PNMA6E: variants seen among roughly 807,000 people sequenced by gnomAD.
PNMA6E encodes the protein paraneoplastic antigen Ma6E.
For missense variants in PNMA6E, 78 were observed against 50.8 expected (o/e 1.53, Z -1.63); for synonymous variants, 43 against 17.1 (o/e 2.52, Z -3.74).
the PNMA6E span, among the ~76,000 whole-genome samples, chrX:153,412,406 G>A: frequency 2.7e-5 from 3 of 112,588 alleles, no homozygotes; most frequent in Non-Finnish European, 5.6e-5. Flanking sequence ...GGGACACGGC[G>A]GTAGTAAGCC....
At chrX:153,410,728 C>A in the PNMA6E span, among the ~76,000 whole-genome samples, 2 of 113,059 alleles carry the variant, frequency 1.8e-5, no homozygotes, top group African/African-American at 3.2e-5. Flanking sequence ...CAAGGAGGCT[C>A]CCGCCTCGTG....
chrX:153,402,933 C>T (rs1046256757), upstream of PNMA6E, among the ~76,000 whole-genome samples: 19 of 112,733 alleles, frequency 1.7e-4, no homozygotes, highest in African/African-American at 5.8e-4. Flanking sequence ...TCTTCTTCTT[C>T]GAGTTGCATT....
chrX:153,410,596 G>A, the PNMA6E span, among the ~76,000 whole-genome samples: 129 of 112,734 alleles, frequency 1.1e-3, no homozygotes, highest in Non-Finnish European at 1.3e-3. Context: ...CTATGCCCCA[G>A]ATGGACGGCT....
rs12688787 is a variant in PNMA6E, at chrX:153,398,841, C to T, written c.9G>A (p.Leu3=). 1.7e-5 allele frequency: 5 copies of T among 298,669 alleles called. No homozygotes were observed. In the East Asian group the frequency reaches 1.9e-4, roughly 11 times the overall value. The allele number at this position is 298,669 out of a possible 1,213,427, so 24.6% of individuals were successfully genotyped here. The change falls in exon 2 of 2, where the codon CTG becomes CTA. Residue 3 remains leucine, a synonymous_variant. Coordinates refer to ENST00000445091, the MANE Select transcript of PNMA6E (RefSeq NM_001367770.1). ...ACCTGCACCAGTCCCGAAGCATCGC[C>T]AGAGCCATCGCAGAGGACTTGAGGG... MA[L]AMLRDWCRWM...
the PNMA6E span, among the ~76,000 whole-genome samples, chrX:153,406,934 A>T: frequency 8.9e-6 from 1 of 111,963 alleles, no homozygotes; most frequent in African/African-American, 3.2e-5. Context: ...GAATGATGGG[A>T]GGTGGAGGGT....
chrX:153,402,184 A>T (rs1277683544), upstream of PNMA6E, among the ~76,000 whole-genome samples: 1 of 111,715 alleles, frequency 9.0e-6, no homozygotes, highest in African/African-American at 3.3e-5. Flanking sequence ...AATTGTGAAG[A>T]TGCCGATTTC....
the PNMA6E span, among the ~76,000 whole-genome samples, chrX:153,409,037 C>T: frequency 0.014 from 1,627 of 113,100 alleles, 37 homozygotes; most frequent in African/African-American, 0.049. Flanking sequence ...AGACCGGCTG[C>T]CAACCTGCCC....
chrX:153,405,205 T>C (rs1319557664), upstream of PNMA6E, among the ~76,000 whole-genome samples: 2 of 112,376 alleles, frequency 1.8e-5, no homozygotes, highest in East Asian at 5.6e-4. Context: ...TGTTATGTAG[T>C]GATAGATAAC....
In PNMA6E at chrX:153,398,363, C is replaced by G. The variant is rs1222961145; in HGVS notation, c.487G>C (p.Ala163Pro). Reference protein sequence around the residue: ...EAGAAGEAGGAGEAGGVGEAG... With the variant: ...EAGAAGEAGGPGEAGGVGEAG... ...TCACCTACACCTCCTGCCTCACCTGCGCCTCCTGCCTCACCTGCTGCTCCT... is the reference window on the plus strand; with the variant it reads ...TCACCTACACCTCCTGCCTCACCTGGGCCTCCTGCCTCACCTGCTGCTCCT... The change falls in exon 2 of 2, where the codon GCA becomes CCA. Residue 163 changes from alanine to proline, a missense_variant. Coordinates refer to ENST00000445091, the MANE Select transcript of PNMA6E (RefSeq NM_001367770.1). 1 of 405,842 alleles carries G rather than the reference C, an allele frequency of 2.5e-6. No homozygotes were observed. The highest frequency in any genetic ancestry group is 4.2e-6 in the Non-Finnish European group (1 of 238,879). 33.4% of individuals were successfully genotyped at this position (405,842 alleles called of 1,213,427 possible). A position where few individuals can be genotyped will look rare whatever the true frequency, so the allele number is the denominator to read the frequency against.
At chrX:153,401,869 T>C (rs1190225044), upstream of PNMA6E, among the ~76,000 whole-genome samples, 1 of 99,223 alleles carries the variant, frequency 1.0e-5, no homozygotes, top group Non-Finnish European at 2.0e-5. Flanking sequence ...CTCGCTCTGT[T>C]GCCAGGCTGC....
the PNMA6E span, among the ~76,000 whole-genome samples, chrX:153,409,649 G>A: frequency 2.7e-5 from 3 of 112,767 alleles, no homozygotes; most frequent in African/African-American, 9.6e-5. Flanking sequence ...CCACACACGC[G>A]GTGCCAACAA....
Position 153,396,700 on chromosome X carries a change from G to C in PNMA6E, c.*206C>G, listed in dbSNP as rs781955060. On this transcript the variant is annotated 3_prime_UTR_variant, in exon 2 of 2. Transcript: ENST00000445091. ...GGGTGTGCTGGGTGCAAGGGAGCGGGGGGGCGCCTCTCCCCACCCCATTTT... is the reference window on the plus strand; with the variant it reads ...GGGTGTGCTGGGTGCAAGGGAGCGGCGGGGCGCCTCTCCCCACCCCATTTT... 1 of 271,374 alleles carries C rather than the reference G, an allele frequency of 3.7e-6. No individual in the cohort carries two copies. The highest frequency in any genetic ancestry group is 6.5e-6 in the Non-Finnish European group (1 of 154,476). 22.4% of individuals were successfully genotyped at this position (271,374 alleles called of 1,213,427 possible). A position where few individuals can be genotyped will look rare whatever the true frequency, so the allele number is the denominator to read the frequency against.
Position 153,397,587 on chromosome X carries a change from C to T in PNMA6E, c.1263G>A (p.Gly421=). Residue 421 remains glycine (G), a synonymous_variant, in exon 2 of 2, where the codon GGG becomes GGA. Coordinates refer to ENST00000445091, the MANE Select transcript of PNMA6E (RefSeq NM_001367770.1). The part of the protein sequence containing the change: ...FLTCTQGPQE[G]LFAFVVRLEG... Reference sequence around the variant, plus strand: ...CCAGGCGCACCACGAAGGCAAACAGCCCCTCCTGGGGCCCCTGCGTGCAGG... The same window carrying T: ...CCAGGCGCACCACGAAGGCAAACAGTCCCTCCTGGGGCCCCTGCGTGCAGG... 1 of 299,003 alleles carries T rather than the reference C, an allele frequency of 3.3e-6. No individual in the cohort carries two copies. The highest frequency in any genetic ancestry group is 5.9e-6 in the Non-Finnish European group (1 of 170,927). 24.6% of individuals were successfully genotyped at this position (299,003 alleles called of 1,213,427 possible). A position where few individuals can be genotyped will look rare whatever the true frequency, so the allele number is the denominator to read the frequency against.
At chrX:153,403,190 C>T (rs924944683), upstream of PNMA6E, among the ~76,000 whole-genome samples, 11 of 111,744 alleles carry the variant, frequency 9.8e-5, no homozygotes, top group African/African-American at 3.6e-4. Flanking sequence ...ATATATTGTC[C>T]CACAGCTCAC....
At chrX:153,411,180 T>C in the PNMA6E span, among the ~76,000 whole-genome samples, 3 of 111,733 alleles carry the variant, frequency 2.7e-5, no homozygotes, top group African/African-American at 9.8e-5. Flanking sequence ...CCCAGCGAGA[T>C]GAATAACTGA....
upstream of PNMA6E, among the ~76,000 whole-genome samples, chrX:153,401,670 G>A (rs917204903): frequency 8.9e-6 from 1 of 111,737 alleles, no homozygotes; most frequent in East Asian, 2.8e-4. Flanking sequence ...GCGGTAAATC[G>A]GTCCAATTTT....
chrX:153,400,555 G>A (rs1204760064), intron 1 of PNMA6E, among the ~76,000 whole-genome samples: 4 of 110,767 alleles, frequency 3.6e-5, no homozygotes, highest in Middle Eastern at 4.7e-3. Flanking sequence ...CCAGGGGCCC[G>A]ACAATCCCGC....
the PNMA6E span, among the ~76,000 whole-genome samples, chrX:153,411,065 C>T: frequency 9.0e-6 from 1 of 111,568 alleles, no homozygotes; most frequent in African/African-American, 3.3e-5. Context: ...AGTCACCTTT[C>T]ACCTCTTCCC....
At chrX:153,409,119 G>A in the PNMA6E span, among the ~76,000 whole-genome samples, 1 of 112,926 alleles carries the variant, frequency 8.9e-6, no homozygotes, top group Non-Finnish European at 1.9e-5. Context: ...GTGGGAAAGC[G>A]CCCACTCCCC....
Sources: gnomAD v4.1 joint callset for allele counts (sites outside exome capture counted in the v4.1 genomes callset) on GRCh38, gnomAD v4.1.1 for gene constraint, MANE v1.5 for transcripts, NCBI Gene and HGNC (gene_info 2026-07-23, HGNC 2026-07-21) for gene names.